The following COBLL1 variants were observed in gnomAD, a reference collection of about 807,000 sequenced individuals.
The protein encoded by COBLL1 is cordon-bleu WH2 repeat protein like 1, also known as cordon-bleu protein-like 1.
Under a neutral mutation model 94.8 loss-of-function variants are expected in COBLL1, and 50 were observed. That is an observed-to-expected ratio of 0.53 (90% CI 0.42 to 0.67). The LOEUF (loss-of-function observed/expected upper bound fraction) is 0.67, where lower values mean the gene tolerates loss of function less well. Among genes scored for constraint, COBLL1 ranks in the 30% least tolerant of loss-of-function variants. COBLL1 has a pLI of 0.00. For synonymous variants in COBLL1, 448 were observed against 473.8 expected, an observed-to-expected ratio of 0.95 and a Z score of 0.71; for missense variants, 1,362 against 1,348.7, an observed-to-expected ratio of 1.01 and a Z score of -0.15.
chr2:164,829,762 T>C (rs538026981), intron 2 of COBLL1, among the ~76,000 whole-genome samples: 1 of 152,316 alleles, frequency 6.6e-6, no homozygotes, highest in East Asian at 1.9e-4. Context: ...TTTAAAATTT[T>C]TTTCTTGAGA....
At chr2:164,730,443 A>C (rs1685942395) in intron 3 of COBLL1, among the ~76,000 whole-genome samples, 1 of 151,912 alleles carries the variant, frequency 6.6e-6, no homozygotes, top group Non-Finnish European at 1.5e-5. Context: ...GGTTGCAATG[A>C]GCCGAGATCG....
rs1406604214 is a variant in COBLL1, at chr2:164,805,333, C to CTATA, written c.41+35822_41+35823insTATA. On this transcript the variant is annotated intron_variant, in intron 2 of 13. Coordinates refer to ENST00000652658, the MANE Select transcript of COBLL1 (RefSeq NM_001365672.2). Reference sequence around the variant, plus strand: ...TCTCTCTCTCTCTCTCTCTCTCTCTCTCTCTATATATATATATATATATAT... The same window carrying CTATA: ...TCTCTCTCTCTCTCTCTCTCTCTCTCTATATCTCTATATATATATATATATATAT... Among the ~76,000 whole-genome samples, 147 of 20,540 alleles carry CTATA rather than the reference C, an allele frequency of 7.2e-3. 1 individual carries two copies. The highest frequency in any genetic ancestry group is 1.0e-2 in the Non-Finnish European group (113 of 11,322). 13.5% of individuals were successfully genotyped at this position (20,540 alleles called of 152,430 possible).
chr2:164,704,840 A>G, intron 8 of COBLL1, 112 bp downstream of exon 8: 1 of 1,156,738 alleles, frequency 8.6e-7, no homozygotes. Context: ...AGATGTATTT[A>G]AAAAGCCTAA....
At position 164,729,917 on chromosome 2, in the gene COBLL1, T is replaced by C. The variant is rs201724209; in HGVS notation, c.429A>G (p.Pro143=). The C allele has an allele frequency of 1.9e-6, 3 of 1,609,590 alleles. No homozygotes were observed. Among genetic ancestry groups the C allele is most frequent in the Non-Finnish European group, 1.7e-6 (2 of 1,176,496 alleles). Residue 143 remains proline (P), a synonymous_variant, in exon 4 of 14, where the codon CCA becomes CCG. Coordinates refer to ENST00000652658, the MANE Select transcript of COBLL1 (RefSeq NM_001365672.2). ...LDKKKPTPII[P]EKTVRVVINF... Reference sequence around the variant, plus strand: ...AAATATATAATGGAATTCTTACCTCTGGTATTATAGGTGTAGGTTTTTTCT... The same window carrying C: ...AAATATATAATGGAATTCTTACCTCCGGTATTATAGGTGTAGGTTTTTTCT...
intron 2 of COBLL1, among the ~76,000 whole-genome samples, chr2:164,745,368 T>C (rs1686809853): frequency 6.6e-6 from 1 of 152,156 alleles, no homozygotes; most frequent in South Asian, 2.1e-4. Flanking sequence ...TAAAAAACTG[T>C]TACAATGAAT....
intron 2 of COBLL1, among the ~76,000 whole-genome samples, chr2:164,752,719 C>A (rs1242324913): frequency 6.6e-6 from 1 of 152,222 alleles, no homozygotes; most frequent in Admixed American, 6.5e-5. Context: ...ACCAGATGTA[C>A]CCATACCCCA....
intron 2 of COBLL1, among the ~76,000 whole-genome samples, chr2:164,763,111 A>C (rs1687766559): frequency 6.6e-6 from 1 of 152,204 alleles, no homozygotes. Context: ...GTTGTGACAG[A>C]GACCTTAGAG....
rs1053004447 is a variant in COBLL1 at position 164,835,963 on chromosome 2, A to G, written c.41+5193T>C. 5.9e-5 allele frequency among the ~76,000 whole-genome samples: 9 copies of G among 152,184 alleles called. 1 individual carries two copies. The highest frequency in any genetic ancestry group is 2.2e-4 in the African/African-American group (9 of 41,466). On this transcript the variant is annotated intron_variant, in intron 2 of 13. Coordinates refer to ENST00000652658, the MANE Select transcript of COBLL1 (RefSeq NM_001365672.2). Reference sequence around the variant, plus strand: ...AGTTTTTGACTGATTAATTAAAAGTAGTTGTCTTAATAACATGAAGTTTGG... The same window carrying G: ...AGTTTTTGACTGATTAATTAAAAGTGGTTGTCTTAATAACATGAAGTTTGG...
chr2:164,826,363 C>A (rs1685427567), intron 2 of COBLL1, among the ~76,000 whole-genome samples: 2 of 152,330 alleles, frequency 1.3e-5, no homozygotes, highest in Non-Finnish European at 2.9e-5. Flanking sequence ...TCATCCTCCA[C>A]TTCCTGGGAG....
At chr2:164,747,139 T>C (rs900278266) in intron 2 of COBLL1, among the ~76,000 whole-genome samples, 1 of 152,050 alleles carries the variant, frequency 6.6e-6, no homozygotes, top group Non-Finnish European at 1.5e-5. Context: ...AAAGAGTCCT[T>C]ACCACCAAAA....
chr2:164,700,512 G>A lies in COBLL1; in HGVS notation c.1460+10C>T. The A allele has an allele frequency of 6.4e-7, 1 of 1,550,970 alleles. No homozygotes were observed. The highest frequency in any genetic ancestry group is 8.9e-7 in the Non-Finnish European group (1 of 1,123,708). ...ACGGCCACCAACACTCCAGCACAGA[G>A]ACTACTTACTGTCCATCTGTGCTTT... On this transcript the variant is annotated intron_variant, in intron 10 of 13. Transcript: ENST00000652658.
chr2:164,746,494 C>T (rs1686865100), intron 2 of COBLL1, among the ~76,000 whole-genome samples: 1 of 152,060 alleles, frequency 6.6e-6, no homozygotes, highest in Admixed American at 6.6e-5. Flanking sequence ...TACAAATGTT[C>T]CTCTACTTAC....
chr2:164,722,186 A>G lies in COBLL1; in HGVS notation c.885T>C (p.Ala295=). 6.2e-7 allele frequency: 1 copy of G among 1,614,094 alleles called. No homozygotes were observed. Among genetic ancestry groups the G allele is most frequent in the East Asian group, 2.2e-5 (1 of 44,860 alleles). The change falls in exon 7 of 14, where the codon GCT becomes GCC. Residue 295 remains alanine (A), a synonymous_variant. Transcript: ENST00000652658. ...LPSDAPKKRR[A]PLPPMPASQS... ...GAGATGCTGGCATCGGGGGCAGTGG[A>G]GCCCGCCTCTTCTTGGGTGCATCCG...
At chr2:164,665,445 G>C (rs956348718) in intron 2 of COBLL1, among the ~76,000 whole-genome samples, 1 of 150,494 alleles carries the variant, frequency 6.6e-6, no homozygotes, top group Non-Finnish European at 1.5e-5. Context: ...AAAGAGTAAC[G>C]TAAGTGTCTA....
intron 2 of COBLL1, among the ~76,000 whole-genome samples, chr2:164,798,558 G>A (rs1683591738): frequency 1.3e-5 from 2 of 152,222 alleles, no homozygotes; most frequent in East Asian, 3.8e-4. Flanking sequence ...GGCTGGGAAA[G>A]GAGTTGTACT....
At chr2:164,825,988 C>G (rs1685410945) in intron 2 of COBLL1, among the ~76,000 whole-genome samples, 1 of 152,106 alleles carries the variant, frequency 6.6e-6, no homozygotes, top group Non-Finnish European at 1.5e-5. Context: ...ATATGATAAC[C>G]TATGATTAGA....
In COBLL1 at chr2:164,691,852, G is replaced by T. The variant is rs113488302; in HGVS notation, c.3300+369C>A. On this transcript the variant is annotated intron_variant, in intron 13 of 13. Transcript: ENST00000652658. Reference sequence around the variant, plus strand: ...AGTAACTAATCATGGCAAGAGCTATGACTACAAACTTGTAGGTTCCTATCA... The same window carrying T: ...AGTAACTAATCATGGCAAGAGCTATTACTACAAACTTGTAGGTTCCTATCA... Among the ~76,000 whole-genome samples, 628 of 152,166 alleles carry T rather than the reference G, an allele frequency of 4.1e-3. 1 individual carries two copies. The highest frequency in any genetic ancestry group is 0.014 in the African/African-American group (587 of 41,538).
Position 164,705,044 on chromosome 2 carries a change from C to T in COBLL1, c.1058G>A (p.Gly353Glu), listed in dbSNP as rs947385981. The change falls in exon 8 of 14, where the codon GGG becomes GAG. Residue 353 changes from glycine (G) to glutamate (E), a missense_variant. By Grantham distance (98) the Gly-to-Glu change is moderately conservative (BLOSUM62 -2). Transcript: ENST00000652658. ...GSLQLSSMSA[G>E]NSSLRRTKRK... Reference sequence around the variant, plus strand: ...CTTTGTCCTTCTCAAAGATGAATTCCCTGCAGACATGCTGCTGAGCTGCAG... The same window carrying T: ...CTTTGTCCTTCTCAAAGATGAATTCTCTGCAGACATGCTGCTGAGCTGCAG... 4 of 1,600,386 alleles carry T rather than the reference C, an allele frequency of 2.5e-6. No homozygotes were observed. In the African/African-American group the frequency reaches 4.0e-5, roughly 16 times the overall value.
At chr2:164,746,952 T>C (rs1039731942) in intron 2 of COBLL1, among the ~76,000 whole-genome samples, 1 of 152,136 alleles carries the variant, frequency 6.6e-6, no homozygotes, top group Non-Finnish European at 1.5e-5. Context: ...TGTTAAAGGG[T>C]AATTAATTCC....
Sources: gnomAD v4.1 joint callset for allele counts (sites outside exome capture counted in the v4.1 genomes callset) on GRCh38, gnomAD v4.1.1 for gene constraint, MANE v1.5 for transcripts, NCBI Gene and HGNC (gene_info 2026-07-23, HGNC 2026-07-21) for gene names.